BBS9: variants seen among roughly 807,000 people sequenced by gnomAD.
BBS9 encodes protein PTHB1.
BBS9 carries 89 observed loss-of-function variants against 117.7 expected under a neutral mutation model. The observed-to-expected ratio is 0.76, with a 90% CI of 0.64 to 0.90. The LOEUF (loss-of-function observed/expected upper bound fraction) is 0.90, where lower values mean the gene tolerates loss of function less well. BBS9 is among the 40% of genes least tolerant of loss of function. The pLI is 0.00. For synonymous variants in BBS9, 379 were observed against 370.9 expected (o/e 1.02, Z -0.25); for missense variants, 982 against 1,042.2 (o/e 0.94, Z 0.80).
chr7:33,530,342 T>G (rs6971826), intron 20 of BBS9, among the ~76,000 whole-genome samples: 84,985 of 152,012 alleles, frequency 0.56, 24,953 homozygotes, highest in African/African-American at 0.74. Flanking sequence ...ATCAGGAAAA[T>G]AAATTCTGTA....
At chr7:33,474,011 A>G (rs1392870232) in intron 19 of BBS9, among the ~76,000 whole-genome samples, 1 of 152,250 alleles carries the variant, frequency 6.6e-6, no homozygotes, top group Non-Finnish European at 1.5e-5. Flanking sequence ...AAGATTTTAA[A>G]TATCTATTTG....
intron 5 of BBS9, among the ~76,000 whole-genome samples, chr7:33,231,669 A>C (rs1792477254): frequency 6.6e-6 from 1 of 152,040 alleles, no homozygotes; most frequent in Non-Finnish European, 1.5e-5. Context: ...TTAAAGAAGT[A>C]GGTAATTTAG....
At chr7:33,255,746 G>C (rs1409700461) in intron 5 of BBS9, among the ~76,000 whole-genome samples, 1 of 152,126 alleles carries the variant, frequency 6.6e-6, no homozygotes, top group African/African-American at 2.4e-5. Context: ...GATTCTTTTT[G>C]TCTGATTGTG....
intron 20 of BBS9, among the ~76,000 whole-genome samples, chr7:33,529,956 A>G (rs2129054713): frequency 6.6e-6 from 1 of 152,346 alleles, no homozygotes; most frequent in African/African-American, 2.4e-5. Flanking sequence ...AGGGCTATGA[A>G]TAAAGGTAAT....
intron 19 of BBS9, among the ~76,000 whole-genome samples, chr7:33,450,945 G>A (rs1837735904): frequency 6.6e-6 from 1 of 151,410 alleles, no homozygotes; most frequent in Non-Finnish European, 1.5e-5. Flanking sequence ...CTGGAGTGCA[G>A]TGGCGCGATC....
chr7:33,221,954 C>G (rs964440306), intron 5 of BBS9, among the ~76,000 whole-genome samples: 1 of 151,812 alleles, frequency 6.6e-6, no homozygotes, highest in Admixed American at 6.6e-5. Flanking sequence ...TGGCTAAAGA[C>G]CAAATACAGT....
intron 13 of BBS9, among the ~76,000 whole-genome samples, chr7:33,349,555 C>T (rs998685474): frequency 6.6e-6 from 1 of 152,162 alleles, no homozygotes; most frequent in Non-Finnish European, 1.5e-5. Context: ...CCACCTCAGC[C>T]TCCTGAGTAG....
At chr7:33,559,502 C>A (rs537848311) in intron 21 of BBS9, among the ~76,000 whole-genome samples, 25 of 151,862 alleles carry the variant, frequency 1.6e-4, no homozygotes, top group Non-Finnish European at 2.2e-4. Flanking sequence ...CTTGACTGGC[C>A]GAAGCTTCAG....
chr7:33,192,792 G>A (rs1784338430), intron 5 of BBS9, among the ~76,000 whole-genome samples: 1 of 152,172 alleles, frequency 6.6e-6, no homozygotes, highest in African/African-American at 2.4e-5. Flanking sequence ...CTCATAGATG[G>A]CACCACCTTG....
intron 19 of BBS9, among the ~76,000 whole-genome samples, chr7:33,421,353 C>T (rs1584764519): frequency 6.6e-6 from 1 of 152,022 alleles, no homozygotes; most frequent in South Asian, 2.1e-4. Flanking sequence ...AAAAATACTC[C>T]CTGTCATACA....
chr7:33,293,317 A>G (rs1804471363), intron 9 of BBS9, among the ~76,000 whole-genome samples: 1 of 152,084 alleles, frequency 6.6e-6, no homozygotes, highest in East Asian at 1.9e-4. Flanking sequence ...AGAATTATAC[A>G]GTATCCTGAT....
At chr7:33,492,712 A>G (rs1585015020) in intron 19 of BBS9, among the ~76,000 whole-genome samples, 2 of 151,946 alleles carry the variant, frequency 1.3e-5, no homozygotes, top group East Asian at 1.9e-4. Context: ...CCTTCACCCC[A>G]GGAGATCAGT....
At chr7:33,282,361 C>G (rs1346654152) in intron 9 of BBS9, among the ~76,000 whole-genome samples, 8 of 152,030 alleles carry the variant, frequency 5.3e-5, no homozygotes, top group Admixed American at 3.3e-4. Context: ...CAAAACAGGA[C>G]CACATGAATT....
chr7:33,166,524 C>T (rs1795718041), intron 4 of BBS9, among the ~76,000 whole-genome samples: 1 of 152,264 alleles, frequency 6.6e-6, no homozygotes. Context: ...CAAGTTTGAG[C>T]TTCCTCCAGC....
At chr7:33,245,082 G>A (rs924571065) in intron 5 of BBS9, among the ~76,000 whole-genome samples, 5 of 152,084 alleles carry the variant, frequency 3.3e-5, no homozygotes, top group Non-Finnish European at 7.4e-5. Context: ...GTATGCTTTT[G>A]AAGTCAGAGT....
chr7:33,130,736 A>T (rs936269110), intron 1 of BBS9, among the ~76,000 whole-genome samples: 58 of 142,282 alleles, frequency 4.1e-4, no homozygotes, highest in African/African-American at 1.5e-3. Flanking sequence ...CGGAAGAATT[A>T]AAAAAAAAAC....
In BBS9 at chr7:33,358,006, T is replaced by C; in HGVS notation, c.1693+11T>C. The C allele has an allele frequency of 6.2e-7, 1 of 1,610,132 alleles. No homozygotes were observed. Among genetic ancestry groups the C allele is most frequent in the Non-Finnish European group, 8.5e-7 (1 of 1,177,260 alleles). ...TTAGTCTCTTCCCAGGTAAGACTGT[T>C]GAAATAACATGCCTGCAGCATCAAA... is the stretch of plus-strand genomic sequence containing the variant. On this transcript the variant is annotated intron_variant, in intron 16 of 22. Transcript: ENST00000242067.
chr7:33,390,721 G>C (rs573174474), intron 19 of BBS9: 10 of 585,292 alleles, frequency 1.7e-5, no homozygotes, highest in Non-Finnish European at 2.2e-5. Context: ...AACATTATAC[G>C]TAATGCTAAA....
intron 19 of BBS9, among the ~76,000 whole-genome samples, chr7:33,433,419 C>T (rs1834826591): frequency 1.3e-5 from 2 of 152,160 alleles, no homozygotes; most frequent in Non-Finnish European, 2.9e-5. Flanking sequence ...ATAATTTTCC[C>T]ATACCGTGAT....
Sources: allele counts gnomAD v4.1 joint callset (sites outside exome capture counted in the v4.1 genomes callset), GRCh38; gene constraint gnomAD v4.1.1; transcripts MANE v1.5; gene names NCBI Gene and HGNC (gene_info 2026-07-23, HGNC 2026-07-21).